Variants in KCNQ1 observed in about 807,000 individuals in gnomAD.
KCNQ1 encodes potassium voltage-gated channel subfamily Q member 1.
In KCNQ1, 49 loss-of-function variants were observed where a neutral mutation model predicts 72.4. That is an observed-to-expected ratio of 0.68 (90% confidence interval 0.54 to 0.86). The LOEUF (loss-of-function observed/expected upper bound fraction) is 0.86. Among genes scored for constraint, KCNQ1 ranks in the 40% least tolerant of loss-of-function variants. The pLI is 0.00. For synonymous variants in KCNQ1, 450 were observed against 412.6 expected (o/e 1.09, Z -1.10); for missense variants, 790 against 945.1 (o/e 0.84, Z 2.15).
At position 2,446,229 on chromosome 11, in the gene KCNQ1, A is replaced by G. The variant is rs1034227353; in HGVS notation, c.386+745A>G. On this transcript the variant is annotated intron_variant, in intron 1 of 15. Transcript: ENST00000155840. The surrounding 1 kb of genome is among the most constrained non-coding windows in gnomAD (Gnocchi z 8.8). ...AGCAGGGCTGGGCACTGGATTTCTC[A>G]GGGACAGGCCTGGGAAGTCACCTCC... Among the ~76,000 whole-genome samples the G allele has an allele frequency of 1.3e-5, 2 of 152,150 alleles. No homozygotes were observed. Among genetic ancestry groups the G allele is most frequent in the African/African-American group, 4.8e-5 (2 of 41,438 alleles).
rs1393675347 is a variant in KCNQ1, at chr11:2,699,977, C to T, written c.1514+37896C>T. The T allele has an allele frequency of 5.3e-5, 21 of 398,312 alleles. No individual in the cohort carries two copies. In the Middle Eastern group the frequency reaches 1.9e-3, roughly 36 times the overall value. 24.7% of individuals were successfully genotyped at this position (398,312 alleles called of 1,614,324 possible). A position where few individuals can be genotyped will look rare whatever the true frequency, so the allele number is the denominator to read the frequency against. ...AGCTCCCTGGAGGTCCGTGCTGAGG[C>T]GACGCGGCGACCGTTCTGCCTGGAG... On this transcript the variant is annotated intron_variant, in intron 11 of 15. Transcript: ENST00000155840.
In KCNQ1 at chr11:2,769,175, A is replaced by G. The variant is rs1846548321; in HGVS notation, c.1590+256A>G. Among the ~76,000 whole-genome samples, 1 of 152,100 alleles carries G rather than the reference A, an allele frequency of 6.6e-6. No individual in the cohort carries two copies. The highest frequency in any genetic ancestry group is 1.5e-5 in the Non-Finnish European group (1 of 68,028). On this transcript the variant is annotated intron_variant, in intron 12 of 15. Transcript: ENST00000155840. This position sits in a 1 kb window ranked among gnomAD's most constrained non-coding sequence, Gnocchi z 4.6. Reference sequence around the variant, plus strand: ...ACATGCAGTGTCTTCTTCACCAAGTAGAAGGCAGCAGCCGTGTAGCTCACT... The same window carrying G: ...ACATGCAGTGTCTTCTTCACCAAGTGGAAGGCAGCAGCCGTGTAGCTCACT...
rs187942997 is a variant in KCNQ1 at position 2,756,839 on chromosome 11, A to G, written c.1515-12005A>G. On this transcript the variant is annotated intron_variant, in intron 11 of 15. Coordinates refer to ENST00000155840, the MANE Select transcript of KCNQ1 (RefSeq NM_000218.3). Reference sequence around the variant, plus strand: ...TTATATGACATTTTATAAGAAAATTATATTAGCACAACCGGGAGAGATTTA... The same window carrying G: ...TTATATGACATTTTATAAGAAAATTGTATTAGCACAACCGGGAGAGATTTA... Among the ~76,000 whole-genome samples, 10 of 151,714 alleles carry G rather than the reference A, an allele frequency of 6.6e-5. No individual in the cohort carries two copies. The East Asian group carries it at 1.8e-3, about 27-fold the overall frequency.
At position 2,450,803 on chromosome 11, in the gene KCNQ1, A is replaced by C. The variant is rs78576083; in HGVS notation, c.386+5319A>C. 0.012 allele frequency among the ~76,000 whole-genome samples: 1,819 copies of C among 152,278 alleles called. 10 individuals carry two copies. Among genetic ancestry groups the C allele is most frequent in the Non-Finnish European group, 0.02 (1,348 of 68,010 alleles). ...GACCACAGGGATGCCGCGTGACCCTAGTCCAGGGGGCCGCTTTTACACGAG... is the reference window on the plus strand; with the variant it reads ...GACCACAGGGATGCCGCGTGACCCTCGTCCAGGGGGCCGCTTTTACACGAG... On this transcript the variant is annotated intron_variant, in intron 1 of 15. Coordinates refer to ENST00000155840, the MANE Select transcript of KCNQ1 (RefSeq NM_000218.3). The surrounding 1 kb of genome is among the most constrained non-coding windows in gnomAD (Gnocchi z 7.9).
intron 2 of KCNQ1, among the ~76,000 whole-genome samples, chr11:2,556,815 C>A (rs534180783): frequency 6.6e-6 from 1 of 152,202 alleles, no homozygotes; most frequent in South Asian, 2.1e-4. Flanking sequence ...GTTTGAGGAA[C>A]CAGTGAAATG....
intron 11 of KCNQ1, chr11:2,675,016 C>A (rs968330162): frequency 1.8e-5 from 7 of 398,516 alleles, no homozygotes; most frequent in Non-Finnish European, 3.1e-5. Flanking sequence ...TCCCGCCTGA[C>A]TTCTCTGCCA....
intron 11 of KCNQ1, 112 bp downstream of exon 11, chr11:2,662,193 T>A: frequency 6.9e-7 from 1 of 1,445,484 alleles, no homozygotes; most frequent in Non-Finnish European, 9.5e-7. Context: ...TCTACTCGCC[T>A]AGTGCCCACC....
intron 11 of KCNQ1, among the ~76,000 whole-genome samples, chr11:2,718,228 C>G (rs1851129974): frequency 6.6e-6 from 1 of 152,204 alleles, no homozygotes; most frequent in Non-Finnish European, 1.5e-5. Flanking sequence ...CCCCACATCC[C>G]CCTCACACAC....
At position 2,598,156 on chromosome 11, in the gene KCNQ1, A is replaced by T. The variant is rs956099895; in HGVS notation, c.1393+9302A>T. ...TAGTTCATTTATTTGAAGTTCTTCT[A>T]CTAAAGGCATTTTTAAAGGCTATAA... is the stretch of plus-strand genomic sequence containing the variant. On this transcript the variant is annotated intron_variant, in intron 10 of 15. Transcript: ENST00000155840. The surrounding 1 kb of genome is among the most constrained non-coding windows in gnomAD (Gnocchi z 6.2). Among the ~76,000 whole-genome samples the T allele has an allele frequency of 2.0e-5, 3 of 152,138 alleles. No homozygotes were observed. In the South Asian group the frequency reaches 6.2e-4, roughly 32 times the overall value.
chr11:2,617,000 T>C, intron 10 of KCNQ1: 1 of 398,244 alleles, frequency 2.5e-6, no homozygotes, highest in Non-Finnish European at 4.4e-6. Context: ...GCATATTTAG[T>C]GTATAAAACA....
chr11:2,656,731 A>G (rs1293699974), intron 10 of KCNQ1: 2 of 398,546 alleles, frequency 5.0e-6, no homozygotes, highest in Non-Finnish European at 8.8e-6. Flanking sequence ...TCTAATGTCA[A>G]ATTACTCAGT....
chr11:2,630,739 C>A (rs994260816), intron 10 of KCNQ1: 2 of 398,314 alleles, frequency 5.0e-6, no homozygotes, highest in African/African-American at 4.1e-5. Flanking sequence ...CTGAATAACT[C>A]CCTCTGGCAT....
chr11:2,570,573 G>GA, intron 2 of KCNQ1, 55 bp from the exon 3 acceptor site: 1 of 1,605,280 alleles, frequency 6.2e-7, no homozygotes. Flanking sequence ...TGCAGGGTCT[G>GA]AAGCCACTCA....
At chr11:2,456,124 G>C (rs1393398491) in intron 1 of KCNQ1, among the ~76,000 whole-genome samples, 1 of 152,034 alleles carries the variant, frequency 6.6e-6, no homozygotes, top group Non-Finnish European at 1.5e-5. Context: ...TGGATCATGG[G>C]GTCAGGAGTT....
At chr11:2,552,796 C>T (rs1848003238) in intron 2 of KCNQ1, among the ~76,000 whole-genome samples, 1 of 151,906 alleles carries the variant, frequency 6.6e-6, no homozygotes, top group African/African-American at 2.4e-5. Context: ...TTAGTAATAC[C>T]GAGTTTTCCG....
intron 11 of KCNQ1, among the ~76,000 whole-genome samples, chr11:2,708,494 GCTTATCCC>G (rs1850949569): frequency 6.6e-6 from 1 of 152,196 alleles, no homozygotes; most frequent in Non-Finnish European, 1.5e-5. Context: ...TGGAGCCCAG[GCTTATCCC>G]CCTGGTGGGC....
intron 10 of KCNQ1, among the ~76,000 whole-genome samples, chr11:2,590,435 C>A (rs1848656025): frequency 6.6e-6 from 1 of 152,362 alleles, no homozygotes; most frequent in African/African-American, 2.4e-5. Flanking sequence ...AAAAGGGCAC[C>A]TGTTTTGAAA....
chr11:2,512,271 C>T (rs902641608), intron 1 of KCNQ1, among the ~76,000 whole-genome samples: 12 of 152,176 alleles, frequency 7.9e-5, no homozygotes, highest in African/African-American at 2.7e-4. Flanking sequence ...GGAGCCGGGG[C>T]GGGAGAGGGC....
chr11:2,797,646 C>T (rs191480734), intron 15 of KCNQ1, among the ~76,000 whole-genome samples: 1 of 152,302 alleles, frequency 6.6e-6, no homozygotes, highest in African/African-American at 2.4e-5. Flanking sequence ...CTCTGTGCAG[C>T]AGGGCCCTTT....
Sources: gnomAD v4.1 joint callset for allele counts (sites outside exome capture counted in the v4.1 genomes callset) on GRCh38, gnomAD v4.1.1 for gene constraint, Gnocchi (gnomAD v3.1) non-coding constraint, MANE v1.5 for transcripts, NCBI Gene and HGNC (gene_info 2026-07-23, HGNC 2026-07-21) for gene names.